Variants in VTCN1 observed in about 807,000 individuals in gnomAD.
VTCN1 encodes the protein V-set domain containing T cell activation inhibitor 1.
VTCN1 carries 26 observed loss-of-function variants against 26.5 expected under a neutral mutation model. The observed-to-expected ratio is 0.98, with a 90% confidence interval of 0.72 to 1.36. The LOEUF (loss-of-function observed/expected upper bound fraction) is 1.36, where lower values mean the gene tolerates loss of function less well. Ranked by LOEUF, VTCN1 falls within the 40% of genes most tolerant of loss-of-function variation. The pLI, the probability that VTCN1 is intolerant of heterozygous loss-of-function variation, is 0.00. For synonymous variants in VTCN1, 116 were observed against 130.7 expected, an observed-to-expected ratio of 0.89 and a Z score of 0.77; for missense variants, 298 against 337.7, an observed-to-expected ratio of 0.88 and a Z score of 0.92.
At chr1:117,190,414 TG>T (rs1648187682) in intron 1 of VTCN1, among the ~76,000 whole-genome samples, 1 of 152,176 alleles carries the variant, frequency 6.6e-6, no homozygotes, top group African/African-American at 2.4e-5. Flanking sequence ...CTCTGTGACT[TG>T]GTTTCAGCCC....
chr1:117,163,367 T>A (rs1399295065), intron 2 of VTCN1, among the ~76,000 whole-genome samples: 1 of 152,190 alleles, frequency 6.6e-6, no homozygotes, highest in Non-Finnish European at 1.5e-5. Context: ...CCTTAGAGGG[T>A]TCCTGAAAGG....
At chr1:117,171,450 A>G (rs1652912682) in intron 1 of VTCN1, among the ~76,000 whole-genome samples, 1 of 152,170 alleles carries the variant, frequency 6.6e-6, no homozygotes, top group Non-Finnish European at 1.5e-5. Flanking sequence ...CAATGGTTGA[A>G]CTAATTTACA....
chr1:117,188,930 A>G (rs1026831408), intron 1 of VTCN1, among the ~76,000 whole-genome samples: 14 of 152,366 alleles, frequency 9.2e-5, no homozygotes, highest in African/African-American at 3.1e-4. Context: ...ATATATAAGT[A>G]AAAAATAGTT....
intron 1 of VTCN1, among the ~76,000 whole-genome samples, chr1:117,206,106 A>G (rs1649038353): frequency 1.3e-5 from 2 of 151,998 alleles, no homozygotes; most frequent in South Asian, 4.2e-4. Context: ...ATTGTGTCTC[A>G]GATTCACGAC....
intron 2 of VTCN1, 175 bp from the exon 3 acceptor site, chr1:117,157,096 T>G (rs1034968790): frequency 3.3e-6 from 2 of 600,376 alleles, no homozygotes; most frequent in Non-Finnish European, 5.1e-6. Context: ...CATTTTGATA[T>G]ATATATATAT....
chr1:117,160,789 C>T (rs985652805), intron 2 of VTCN1, among the ~76,000 whole-genome samples: 1 of 152,142 alleles, frequency 6.6e-6, no homozygotes, highest in Admixed American at 6.5e-5. Context: ...ATCCTTGGCT[C>T]TTCTCCTCTT....
intron 3 of VTCN1, among the ~76,000 whole-genome samples, chr1:117,153,799 A>G (rs921746994): frequency 6.6e-6 from 1 of 152,190 alleles, no homozygotes; most frequent in Non-Finnish European, 1.5e-5. Flanking sequence ...AAGGAGAAAG[A>G]AGAAACAAAC....
chr1:117,206,947 T>C (rs1198965469), intron 1 of VTCN1, among the ~76,000 whole-genome samples: 1 of 152,190 alleles, frequency 6.6e-6, no homozygotes, highest in East Asian at 1.9e-4. Flanking sequence ...CAGAAGGTTC[T>C]GAAGGCTCAG....
chr1:117,154,083 C>A (rs957975540), intron 3 of VTCN1, among the ~76,000 whole-genome samples: 1 of 152,112 alleles, frequency 6.6e-6, no homozygotes, highest in Admixed American at 6.5e-5. Context: ...ATTTATTTGG[C>A]GTCTTCCTTT....
At chr1:117,153,952 G>A (rs895040922) in intron 3 of VTCN1, among the ~76,000 whole-genome samples, 17 of 152,164 alleles carry the variant, frequency 1.1e-4, no homozygotes, top group Non-Finnish European at 2.1e-4. Flanking sequence ...AATTCTCCTC[G>A]CAGGAGAGTT....
intron 1 of VTCN1, among the ~76,000 whole-genome samples, chr1:117,176,817 G>A (rs1358500683): frequency 1.3e-5 from 2 of 152,236 alleles, no homozygotes; most frequent in African/African-American, 4.8e-5. Flanking sequence ...AGGAGATTAA[G>A]GCTGAGTGTG....
intron 1 of VTCN1, among the ~76,000 whole-genome samples, chr1:117,171,064 T>G (rs1453717829): frequency 9.9e-5 from 15 of 151,474 alleles, no homozygotes; most frequent in Non-Finnish European, 1.5e-4. Flanking sequence ...CCATGTGTTC[T>G]CATTGTTCAA....
At chr1:117,198,304 C>T (rs564675478) in intron 1 of VTCN1, among the ~76,000 whole-genome samples, 1 of 152,168 alleles carries the variant, frequency 6.6e-6, no homozygotes, top group Non-Finnish European at 1.5e-5. Flanking sequence ...GAATGACAGA[C>T]AGCCCTATTA....
intron 1 of VTCN1, among the ~76,000 whole-genome samples, chr1:117,198,613 C>T (rs765440450): frequency 1.3e-5 from 2 of 152,170 alleles, no homozygotes; most frequent in African/African-American, 2.4e-5. Context: ...GCTGCATCGC[C>T]TCCTGCATCC....
Position 117,147,729 on chromosome 1 carries a change from G to GA in VTCN1, c.777dup (p.Leu260SerfsTer52). On this transcript the variant is annotated frameshift_variant, in exon 5 of 6. Transcript: ENST00000369458. LOFTEE classifies it high-confidence loss of function. This position sits in a 1 kb window ranked among gnomAD's most constrained non-coding sequence, Gnocchi z 4.6. ...ATGGCAAAGAAAGAAGAGACACACAGAGAAGCCTTTGAGTTTAGCAGCTGT... is the reference window on the plus strand; with the variant it reads ...ATGGCAAAGAAAGAAGAGACACACAGAAGAAGCCTTTGAGTTTAGCAGCTGT... 6.2e-7 allele frequency: 1 copy of GA among 1,614,078 alleles called. No individual in the cohort carries two copies. Among genetic ancestry groups the GA allele is most frequent in the Non-Finnish European group, 8.5e-7 (1 of 1,179,962 alleles).
At chr1:117,177,499 G>A (rs1647416737) in intron 1 of VTCN1, among the ~76,000 whole-genome samples, 1 of 152,128 alleles carries the variant, frequency 6.6e-6, no homozygotes. Flanking sequence ...TCATTATGTG[G>A]GGCTTGAGGG....
At chr1:117,157,555 C>T (rs1652152319) in intron 2 of VTCN1, among the ~76,000 whole-genome samples, 1 of 152,168 alleles carries the variant, frequency 6.6e-6, no homozygotes, top group East Asian at 1.9e-4. Flanking sequence ...AAACTGCCCC[C>T]ATGATTCAAA....
chr1:117,181,917 G>A (rs1022402050), intron 1 of VTCN1, among the ~76,000 whole-genome samples: 1 of 152,144 alleles, frequency 6.6e-6, no homozygotes, highest in Non-Finnish European at 1.5e-5. Flanking sequence ...GGGAGAGTGA[G>A]CTGTAATCTA....
At chr1:117,172,557 T>C (rs1652976408) in intron 1 of VTCN1, 1 of 493,002 alleles carries the variant, frequency 2.0e-6, no homozygotes, top group Non-Finnish European at 4.0e-6. Flanking sequence ...TTGGATAAAA[T>C]ACTTCATCGC....
Sources: gnomAD v4.1 joint callset for allele counts (sites outside exome capture counted in the v4.1 genomes callset) on GRCh38, gnomAD v4.1.1 for gene constraint, Gnocchi (gnomAD v3.1) non-coding constraint, MANE v1.5 for transcripts, NCBI Gene and HGNC (gene_info 2026-07-23, HGNC 2026-07-21) for gene names.